The following CACUL1 variants were observed in gnomAD, a reference collection of about 807,000 sequenced individuals.
CACUL1 encodes CDK2-associated and cullin domain-containing protein 1.
CACUL1 carries 13 observed loss-of-function variants against 45.2 expected under a neutral mutation model. That is an observed-to-expected ratio of 0.29 (90% CI 0.19 to 0.46). CACUL1 has a LOEUF of 0.46. Among genes scored for constraint, CACUL1 ranks in the 20% least tolerant of loss-of-function variants. CACUL1 has a pLI of 1.00. For missense variants in CACUL1, 421 were observed against 471.4 expected (o/e 0.89, Z 0.99); for synonymous variants, 197 against 174.2 (o/e 1.13, Z -1.03).
chr10:118,697,421 C>T (rs1478585894), intron 5 of CACUL1, among the ~76,000 whole-genome samples: 1 of 152,208 alleles, frequency 6.6e-6, no homozygotes, highest in Non-Finnish European at 1.5e-5. Flanking sequence ...AATCATCCCA[C>T]AGATATCAAT....
chr10:118,687,317 C>T (rs1219982833), intron 7 of CACUL1, among the ~76,000 whole-genome samples: 1 of 152,196 alleles, frequency 6.6e-6, no homozygotes, highest in East Asian at 1.9e-4. Flanking sequence ...TCCTCATCAC[C>T]ATGTCCATTT....
chr10:118,725,628 G>A (rs1218607520), intron 3 of CACUL1, among the ~76,000 whole-genome samples: 1 of 152,086 alleles, frequency 6.6e-6, no homozygotes, highest in African/African-American at 2.4e-5. Context: ...GAACACTAAG[G>A]GGACTTAGCT....
In CACUL1 at chr10:118,682,895, A is replaced by T. The variant is rs1372260679; in HGVS notation, c.*3233T>A. 1.3e-5 allele frequency: 2 copies of T among 152,310 alleles called. No homozygotes were observed. Among genetic ancestry groups the T allele is most frequent in the African/African-American group, 4.8e-5 (2 of 41,458 alleles). The allele number at this position is 152,310 out of a possible 1,614,324, so 9.4% of individuals were successfully genotyped here. A position where few individuals can be genotyped will look rare whatever the true frequency, so the allele number is the denominator to read the frequency against. On this transcript the variant is annotated 3_prime_UTR_variant, in exon 9 of 9. Transcript: ENST00000369151. ...TAATTGCTGCAAATTTGTTAAAGGG[A>T]CAGAAGAAAAAGTAGCTTGTCTACA...
intron 7 of CACUL1, 84 bp downstream of exon 7, chr10:118,691,181 A>G: frequency 1.6e-6 from 2 of 1,212,174 alleles, no homozygotes; most frequent in East Asian, 2.3e-5. Context: ...CATTCTCAGA[A>G]CCTTACCATT....
At chr10:118,714,927 C>T (rs1025501722) in intron 3 of CACUL1, among the ~76,000 whole-genome samples, 3 of 152,168 alleles carry the variant, frequency 2.0e-5, no homozygotes, top group African/African-American at 4.8e-5. Context: ...GGGGACCCTC[C>T]GAAGTCCTCA....
At chr10:118,693,548 A>G (rs1845291959) in intron 6 of CACUL1, 1 of 332,304 alleles carries the variant, frequency 3.0e-6, no homozygotes, top group Non-Finnish European at 6.0e-6. Flanking sequence ...TACCCACAAT[A>G]CTTTTCTACC....
chr10:118,691,921 A>G (rs1845275212), intron 6 of CACUL1, among the ~76,000 whole-genome samples: 1 of 151,480 alleles, frequency 6.6e-6, no homozygotes, highest in South Asian at 2.1e-4. Context: ...GAAGAAAGCC[A>G]TTTTTACTTT....
intron 3 of CACUL1, among the ~76,000 whole-genome samples, chr10:118,719,165 T>A (rs1466540838): frequency 6.6e-6 from 1 of 152,220 alleles, no homozygotes. Flanking sequence ...AAACTATTTT[T>A]AAAAGAGTCA....
At chr10:118,694,110 C>A (rs12217458) in intron 6 of CACUL1, among the ~76,000 whole-genome samples, 6,347 of 152,180 alleles carry the variant, frequency 0.042, 189 homozygotes, top group Middle Eastern at 0.068. Context: ...GTGATCTGCC[C>A]GCCTCGGCCT....
intron 6 of CACUL1, among the ~76,000 whole-genome samples, chr10:118,691,979 A>C (rs1458748926): frequency 6.6e-6 from 1 of 152,110 alleles, no homozygotes; most frequent in Non-Finnish European, 1.5e-5. Context: ...TTTTTGAACA[A>C]ATCTTACAGA....
chr10:118,692,779 G>A (rs570092152), intron 6 of CACUL1: 1 of 152,202 alleles, frequency 6.6e-6, no homozygotes, highest in African/African-American at 2.4e-5. Context: ...GCTTGATGCT[G>A]TGGAACATTT....
chr10:118,727,357 G>A lies in CACUL1; in HGVS notation c.597+1938C>T, dbSNP rs190895263. Among the ~76,000 whole-genome samples the A allele has an allele frequency of 4.4e-4, 65 of 149,108 alleles. 1 individual carries two copies. In the East Asian group the frequency reaches 0.012, roughly 28 times the overall value. On this transcript the variant is annotated intron_variant, in intron 3 of 8. Coordinates refer to ENST00000369151, the MANE Select transcript of CACUL1 (RefSeq NM_153810.5). ...TGCAGTAAGCCATGATTGTACCACT[G>A]CACTCCAGCCTGGGAGACAGAGCGA...
intron 1 of CACUL1, among the ~76,000 whole-genome samples, chr10:118,742,524 T>A (rs1226052517): frequency 6.6e-6 from 1 of 152,056 alleles, no homozygotes; most frequent in Non-Finnish European, 1.5e-5. Flanking sequence ...CAAGACAAGA[T>A]CCCCAATAAG....
intron 4 of CACUL1, among the ~76,000 whole-genome samples, chr10:118,706,578 G>A (rs971133646): frequency 2.6e-5 from 4 of 152,038 alleles, no homozygotes; most frequent in Non-Finnish European, 5.9e-5. Context: ...TTTTTCCTTA[G>A]TTTCATGATT....
At chr10:118,691,598 C>T (rs578238322) in intron 6 of CACUL1, 195 bp from the exon 7 acceptor site, 14 of 485,944 alleles carry the variant, frequency 2.9e-5, no homozygotes, top group East Asian at 2.4e-4. Context: ...CCGGGTGCGG[C>T]GGCTCACACC....
intron 6 of CACUL1, among the ~76,000 whole-genome samples, chr10:118,694,424 T>G (rs1204722636): frequency 6.6e-6 from 1 of 152,180 alleles, no homozygotes; most frequent in Non-Finnish European, 1.5e-5. Context: ...CACAAAAAGG[T>G]AATTACTATC....
intron 1 of CACUL1, 56 bp downstream of exon 1, chr10:118,754,340 T>G: frequency 7.0e-7 from 1 of 1,437,476 alleles, no homozygotes; most frequent in Non-Finnish European, 9.2e-7. Context: ...GGGGGTGGAT[T>G]CGGCGTCCGA....
chr10:118,710,975 AGT>A (rs1361327727), intron 3 of CACUL1, among the ~76,000 whole-genome samples: 1 of 152,218 alleles, frequency 6.6e-6, no homozygotes, highest in Non-Finnish European at 1.5e-5. Flanking sequence ...CAAAGAAAAT[AGT>A]GTGTGTTTTG....
At chr10:118,700,047 T>G (rs1845363477) in intron 5 of CACUL1, among the ~76,000 whole-genome samples, 1 of 152,142 alleles carries the variant, frequency 6.6e-6, no homozygotes, top group African/African-American at 2.4e-5. Flanking sequence ...ACACTATTCT[T>G]TGAAAAAAAA....
Sources: allele counts gnomAD v4.1 joint callset (sites outside exome capture counted in the v4.1 genomes callset), GRCh38; gene constraint gnomAD v4.1.1; transcripts MANE v1.5; gene names NCBI Gene and HGNC (gene_info 2026-07-23, HGNC 2026-07-21).